MALRD1: variants seen among roughly 807,000 people sequenced by gnomAD.
The protein encoded by MALRD1 is MAM and LDL-receptor class A domain-containing protein 1.
A neutral mutation model predicts 242.1 loss-of-function variants in MALRD1; 247 were observed. That is an observed-to-expected ratio of 1.02 (90% confidence interval 0.92 to 1.13). MALRD1 has a LOEUF of 1.13. MALRD1 is among the 50% of genes most tolerant of loss of function. MALRD1 has a pLI of 0.00. For missense variants in MALRD1, 2,989 were observed against 2,533.1 expected, an observed-to-expected ratio of 1.18 and a Z score of -3.86; for synonymous variants, 995 against 866.6, an observed-to-expected ratio of 1.15 and a Z score of -2.60.
intron 25 of MALRD1, among the ~76,000 whole-genome samples, chr10:19,350,808 G>T (rs554780946): frequency 6.6e-6 from 1 of 152,282 alleles, no homozygotes; most frequent in South Asian, 2.1e-4. Flanking sequence ...GTTTGTAGCT[G>T]CAAGGGGTCC....
At chr10:19,608,006 G>A (rs1374613733) in intron 35 of MALRD1, 104 bp downstream of exon 35, 6 of 1,374,646 alleles carry the variant, frequency 4.4e-6, no homozygotes, top group Non-Finnish European at 5.8e-6. Context: ...GGCAAGCATG[G>A]AATAATTGAA....
rs143756518 is a variant in MALRD1, at chr10:19,509,174, G to C, written c.5320+10528G>C. 1.4e-3 allele frequency among the ~76,000 whole-genome samples: 212 copies of C among 152,248 alleles called. 1 individual carries two copies. In the Middle Eastern group the frequency reaches 0.024, roughly 17 times the overall value. ...TGTTAGACAAATTACGTTTAGCAGAGTTTATTTGCACAATAAATAATTCAT... is the reference window on the plus strand; with the variant it reads ...TGTTAGACAAATTACGTTTAGCAGACTTTATTTGCACAATAAATAATTCAT... On this transcript the variant is annotated intron_variant, in intron 31 of 39. Transcript: ENST00000454679.
chr10:19,182,495 T>C (rs1835553403), intron 14 of MALRD1, among the ~76,000 whole-genome samples: 1 of 151,472 alleles, frequency 6.6e-6, no homozygotes, highest in Non-Finnish European at 1.5e-5. Context: ...CGGCTAATTT[T>C]TTTTTTGTAT....
chr10:19,108,380 G>GTTTTTTCTTT (rs1836547330), intron 5 of MALRD1, among the ~76,000 whole-genome samples: 3 of 21,280 alleles, frequency 1.4e-4, no homozygotes, highest in Non-Finnish European at 2.4e-4. Flanking sequence ...CTCATGAATT[G>GTTTTTTCTTT]TTTTTTCTTT....
intron 19 of MALRD1, among the ~76,000 whole-genome samples, chr10:19,268,628 T>A (rs940039733): frequency 6.6e-6 from 1 of 152,170 alleles, no homozygotes; most frequent in African/African-American, 2.4e-5. Flanking sequence ...GTACAATGAT[T>A]CATATTAGTC....
At chr10:19,445,144 T>C (rs555991958) in intron 28 of MALRD1, among the ~76,000 whole-genome samples, 1 of 152,338 alleles carries the variant, frequency 6.6e-6, no homozygotes, top group South Asian at 2.1e-4. Context: ...CGTGCCATGA[T>C]TTTCAGCTCC....
At chr10:19,165,235 T>G in intron 12 of MALRD1, among the ~76,000 whole-genome samples, 1 of 52,388 alleles carries the variant, frequency 1.9e-5, no homozygotes, top group Non-Finnish European at 3.3e-5. Context: ...ACACAGAAGT[T>G]GTTTGGAATA....
Position 19,125,916 on chromosome 10 carries a change from G to T in MALRD1, c.943+1246G>T, listed in dbSNP as rs546970724. On this transcript the variant is annotated intron_variant, in intron 7 of 39. Coordinates refer to ENST00000454679, the MANE Select transcript of MALRD1 (RefSeq NM_001142308.3). ...TTGGTTCCCTTATCCCCTTGCAAAG[G>T]TTGACTCTTTAATCAATTTTTCTTT... is the stretch of plus-strand genomic sequence containing the variant. Among the ~76,000 whole-genome samples, 348 of 152,034 alleles carry T rather than the reference G, an allele frequency of 2.3e-3. 1 individual carries two copies. The highest frequency in any genetic ancestry group is 3.7e-3 in the Non-Finnish European group (250 of 67,956).
intron 28 of MALRD1, among the ~76,000 whole-genome samples, chr10:19,399,165 C>A (rs191710884): frequency 6.6e-6 from 1 of 152,094 alleles, no homozygotes; most frequent in Non-Finnish European, 1.5e-5. Flanking sequence ...CATTTGCCCA[C>A]GGAAATTTTG....
chr10:19,100,814 A>G (rs1441657665), intron 4 of MALRD1, among the ~76,000 whole-genome samples: 1 of 152,062 alleles, frequency 6.6e-6, no homozygotes, highest in African/African-American at 2.4e-5. Flanking sequence ...AGGAGTGTGG[A>G]GAAAAAAAAC....
At chr10:19,465,611 G>T (rs1348452569) in intron 29 of MALRD1, among the ~76,000 whole-genome samples, 1 of 152,062 alleles carries the variant, frequency 6.6e-6, no homozygotes, top group Non-Finnish European at 1.5e-5. Flanking sequence ...GCTCACTGCA[G>T]CCTAAACTTC....
Position 19,123,553 on chromosome 10 carries a change from A to T in MALRD1, c.756A>T (p.Thr252=). ...AGCGGGAGCTATGCCATCCAGATAC[A>T]GATCTCTGCAGATTTGATGCTACAG... ...NAERELCHPD[T]DLCRFDATDE... Residue 252 remains threonine, a synonymous_variant, in exon 6 of 40, where the codon ACA becomes ACT. Coordinates refer to ENST00000454679, the MANE Select transcript of MALRD1 (RefSeq NM_001142308.3). The T allele has an allele frequency of 1.6e-6, 2 of 1,233,728 alleles. No homozygotes were observed. Among genetic ancestry groups the T allele is most frequent in the Non-Finnish European group, 2.0e-6 (2 of 987,998 alleles). 76.4% of individuals were successfully genotyped at this position (1,233,728 alleles called of 1,614,324 possible). A position where few individuals can be genotyped will look rare whatever the true frequency, so the allele number is the denominator to read the frequency against.
At chr10:19,636,898 C>CAAAAAAA (rs5783689) in intron 36 of MALRD1, among the ~76,000 whole-genome samples, 6 of 95,296 alleles carry the variant, frequency 6.3e-5, no homozygotes, top group African/African-American at 1.4e-4. Flanking sequence ...GACTCTGTCT[C>CAAAAAAA]AAAAAAAAAA....
At chr10:19,191,346 C>T (rs1835967052) in intron 14 of MALRD1, among the ~76,000 whole-genome samples, 1 of 152,084 alleles carries the variant, frequency 6.6e-6, no homozygotes, top group African/African-American at 2.4e-5. Flanking sequence ...CAGAAGTTAA[C>T]AAGTGTTGGT....
intron 36 of MALRD1, among the ~76,000 whole-genome samples, chr10:19,676,567 G>T (rs932741765): frequency 2.0e-5 from 3 of 152,160 alleles, no homozygotes; most frequent in African/African-American, 7.2e-5. Flanking sequence ...AGCCAAATGT[G>T]TTCTCCCCAT....
intron 32 of MALRD1, among the ~76,000 whole-genome samples, chr10:19,547,284 C>G (rs577262123): frequency 6.6e-6 from 1 of 152,154 alleles, no homozygotes; most frequent in Admixed American, 6.5e-5. Flanking sequence ...TACGTTTTTT[C>G]AGTTCTTCCT....
intron 35 of MALRD1, among the ~76,000 whole-genome samples, chr10:19,613,604 C>T (rs1312851311): frequency 6.6e-6 from 1 of 152,024 alleles, no homozygotes; most frequent in Non-Finnish European, 1.5e-5. Context: ...CAACAAAAAC[C>T]TCTTTAACGG....
At chr10:19,596,085 A>T (rs1838085880) in intron 34 of MALRD1, among the ~76,000 whole-genome samples, 1 of 152,174 alleles carries the variant, frequency 6.6e-6, no homozygotes, top group Non-Finnish European at 1.5e-5. Context: ...TACCTAACTT[A>T]CAAGGCTGTG....
chr10:19,459,494 A>G (rs1035256935), intron 29 of MALRD1, among the ~76,000 whole-genome samples: 8 of 152,098 alleles, frequency 5.3e-5, no homozygotes, highest in Admixed American at 1.3e-4. Flanking sequence ...TTAGAGCCCA[A>G]TTACTTGTTT....
Sources: gnomAD v4.1 joint callset for allele counts (sites outside exome capture counted in the v4.1 genomes callset) on GRCh38, gnomAD v4.1.1 for gene constraint, MANE v1.5 for transcripts, NCBI Gene and HGNC (gene_info 2026-07-23, HGNC 2026-07-21) for gene names.